Variants in EFHC1 observed in about 807,000 individuals in gnomAD.
The protein encoded by EFHC1 is EF-hand domain-containing protein 1.
A neutral mutation model predicts 69.9 loss-of-function variants in EFHC1; 53 were observed. The ratio of observed to expected loss-of-function variants is 0.76; its 90% confidence interval spans 0.61 to 0.95. The LOEUF (loss-of-function observed/expected upper bound fraction) is 0.95, where lower values mean the gene tolerates loss of function less well. Ranked by LOEUF, EFHC1 falls within the 40% of genes least tolerant of loss-of-function variation. The probability of loss-of-function intolerance (pLI) is 0.00; values close to 1 mark genes in which losing one functional copy is unlikely to be tolerated. For synonymous variants in EFHC1, 256 were observed against 278.4 expected, an observed-to-expected ratio of 0.92 and a Z score of 0.80; for missense variants, 739 against 798.7, an observed-to-expected ratio of 0.93 and a Z score of 0.90.
Position 52,452,385 on chromosome 6 carries a change from T to C in EFHC1, c.574-303T>C, listed in dbSNP as rs543170131. Among the ~76,000 whole-genome samples the C allele has an allele frequency of 3.3e-5, 5 of 152,328 alleles. No homozygotes were observed. The East Asian group carries it at 9.6e-4, about 29-fold the overall frequency. On this transcript the variant is annotated intron_variant, in intron 3 of 10. Transcript: ENST00000371068. ...TCATGATCATGGCTCACTGCAGCCTTGACCTCCTGAGCTCAAGCAGTCTAC... is the reference window on the plus strand; with the variant it reads ...TCATGATCATGGCTCACTGCAGCCTCGACCTCCTGAGCTCAAGCAGTCTAC...
Position 52,494,638 on chromosome 6 carries a change from T to G in EFHC1, c.*2297T>G, listed in dbSNP as rs1255853741. The G allele has an allele frequency of 4.4e-6, 2 of 453,998 alleles. No homozygotes were observed. Among genetic ancestry groups the G allele is most frequent in the Non-Finnish European group, 8.8e-6 (2 of 226,802 alleles). 28.1% of individuals were successfully genotyped at this position (453,998 alleles called of 1,614,324 possible). A position where few individuals can be genotyped will look rare whatever the true frequency, so the allele number is the denominator to read the frequency against. On this transcript the variant is annotated 3_prime_UTR_variant, in exon 11 of 11. Transcript: ENST00000371068. ...GTGCAGGTTTGTTACATGAGTATAT[T>G]GCACCCAGGTAGTGAGCATAGTGCC...
intron 3 of EFHC1, among the ~76,000 whole-genome samples, chr6:52,440,013 A>C (rs1174602583): frequency 6.6e-6 from 1 of 152,202 alleles, no homozygotes; most frequent in Non-Finnish European, 1.5e-5. Context: ...TTGTGTTTTT[A>C]TGGGCAATTT....
At chr6:52,445,511 C>T (rs1764763676) in intron 3 of EFHC1, among the ~76,000 whole-genome samples, 1 of 147,924 alleles carries the variant, frequency 6.8e-6, no homozygotes, top group Admixed American at 6.8e-5. Flanking sequence ...CATGTGATCT[C>T]ATTGGGATTC....
chr6:52,454,413 G>A, intron 5 of EFHC1, 126 bp downstream of exon 5: 1 of 1,181,836 alleles, frequency 8.5e-7, no homozygotes, highest in South Asian at 1.3e-5. Flanking sequence ...TAGATGCTCA[G>A]AAAATGGCTT....
At chr6:52,421,681 A>G (rs577091671) in intron 1 of EFHC1, among the ~76,000 whole-genome samples, 2 of 152,376 alleles carry the variant, frequency 1.3e-5, no homozygotes, top group African/African-American at 4.8e-5. Flanking sequence ...ATTTAGAATG[A>G]AATCGAAAGT....
chr6:52,476,040 T>C (rs1262567676), intron 7 of EFHC1, among the ~76,000 whole-genome samples: 1 of 151,822 alleles, frequency 6.6e-6, no homozygotes, highest in Admixed American at 6.6e-5. Context: ...CTGAGAGAGC[T>C]TCATGTAAGA....
chr6:52,430,321 A>T (rs1764389286), intron 2 of EFHC1: 1 of 152,448 alleles, frequency 6.6e-6, no homozygotes, highest in Admixed American at 6.6e-5. Context: ...ACTTTTCCCC[A>T]TTCAGCATTA....
At chr6:52,451,625 C>T (rs1164695234) in intron 3 of EFHC1, among the ~76,000 whole-genome samples, 1 of 152,140 alleles carries the variant, frequency 6.6e-6, no homozygotes, top group African/African-American at 2.4e-5. Context: ...GGGATGATCT[C>T]CTTGCATAGA....
chr6:52,453,663 A>C, intron 4 of EFHC1: 2 of 1,258,010 alleles, frequency 1.6e-6, no homozygotes, highest in Non-Finnish European at 2.0e-6. Flanking sequence ...TTATTGCTAG[A>C]AGATATGTGT....
Position 52,438,335 on chromosome 6 carries a change from A to G in EFHC1, c.317A>G (p.Asp106Gly). 1 of 1,613,628 alleles carries G rather than the reference A, an allele frequency of 6.2e-7. No homozygotes were observed. The highest frequency in any genetic ancestry group is 8.5e-7 in the Non-Finnish European group (1 of 1,179,860). The change falls in exon 3 of 11, where the codon GAT becomes GGT. Residue 106 changes from aspartate to glycine, a missense_variant. By Grantham distance (94) the Asp-to-Gly change is moderately conservative. Coordinates refer to ENST00000371068, the MANE Select transcript of EFHC1 (RefSeq NM_018100.4). ...AAATTTGATGCCTATTTCCAAGAAGATGTTCCTATGTCAACTGAGGAACAG... is the reference window on the plus strand; with the variant it reads ...AAATTTGATGCCTATTTCCAAGAAGGTGTTCCTATGTCAACTGAGGAACAG... ...VLKFDAYFQE[D>G]VPMSTEEQYR...
rs1464078309 is a variant in EFHC1, at chr6:52,471,568, A to G, written c.1278+2095A>G. ...TATAGGGATTTCAGATACTGGCACTATGAAACTTAAACTTAAGCCGGGAGC... is the reference window on the plus strand; with the variant it reads ...TATAGGGATTTCAGATACTGGCACTGTGAAACTTAAACTTAAGCCGGGAGC... On this transcript the variant is annotated intron_variant, in intron 7 of 10. Transcript: ENST00000371068. Among the ~76,000 whole-genome samples the G allele has an allele frequency of 2.0e-5, 3 of 152,302 alleles. No homozygotes were observed. The East Asian group carries it at 5.8e-4, about 29-fold the overall frequency.
intron 3 of EFHC1, among the ~76,000 whole-genome samples, chr6:52,446,465 A>C (rs985347921): frequency 1.3e-5 from 2 of 152,154 alleles, no homozygotes. Flanking sequence ...TCTGCACGTC[A>C]GATGGGTCTC....
At chr6:52,436,362 A>G (rs1328650880) in intron 2 of EFHC1, among the ~76,000 whole-genome samples, 2 of 150,378 alleles carry the variant, frequency 1.3e-5, no homozygotes, top group Non-Finnish European at 3.0e-5. Flanking sequence ...GTTTTTCCAC[A>G]GTAGTTACGC....
intron 1 of EFHC1, among the ~76,000 whole-genome samples, chr6:52,421,910 G>A (rs918706143): frequency 6.6e-6 from 1 of 152,208 alleles, no homozygotes; most frequent in African/African-American, 2.4e-5. Context: ...GGATGGAAGT[G>A]CAAAGCTCTA....
chr6:52,492,975 T>A lies in EFHC1; in HGVS notation c.*634T>A, dbSNP rs1765943678. On this transcript the variant is annotated 3_prime_UTR_variant, in exon 11 of 11. Coordinates refer to ENST00000371068, the MANE Select transcript of EFHC1 (RefSeq NM_018100.4). Reference sequence around the variant, plus strand: ...AGGTATTTTTCGATGAGATAAACATTTGAATCAGAAGACTAAGTAAAACAG... The same window carrying A: ...AGGTATTTTTCGATGAGATAAACATATGAATCAGAAGACTAAGTAAAACAG... 1 of 453,976 alleles carries A rather than the reference T, an allele frequency of 2.2e-6. No individual in the cohort carries two copies. The highest frequency in any genetic ancestry group is 2.0e-5 in the African/African-American group (1 of 49,988). 28.1% of individuals were successfully genotyped at this position (453,976 alleles called of 1,614,324 possible).
At chr6:52,466,310 G>A (rs541135670) in intron 6 of EFHC1, among the ~76,000 whole-genome samples, 7 of 152,218 alleles carry the variant, frequency 4.6e-5, no homozygotes, top group African/African-American at 1.7e-4. Flanking sequence ...GCCTCCAGTC[G>A]TACTGAGTTC....
At chr6:52,465,718 G>A (rs1007447254) in intron 6 of EFHC1, among the ~76,000 whole-genome samples, 4 of 151,204 alleles carry the variant, frequency 2.6e-5, no homozygotes, top group African/African-American at 4.9e-5. Context: ...GAGGCATGAG[G>A]ATCACTTTAA....
rs1161841723 is a variant in EFHC1 at position 52,494,397 on chromosome 6, T to A, written c.*2056T>A. 1 of 454,134 alleles carries A rather than the reference T, an allele frequency of 2.2e-6. No individual in the cohort carries two copies. Among genetic ancestry groups the A allele is most frequent in the Non-Finnish European group, 4.4e-6 (1 of 226,796 alleles). The allele number at this position is 454,134 out of a possible 1,614,324, so 28.1% of individuals were successfully genotyped here. A position where few individuals can be genotyped will look rare whatever the true frequency, so the allele number is the denominator to read the frequency against. ...TCTTCTTACTCCCTTCTTTCTGTCT[T>A]CTGCTCCCTTTGTTCCTATTCAGCC... is the stretch of plus-strand genomic sequence containing the variant. On this transcript the variant is annotated 3_prime_UTR_variant, in exon 11 of 11. Coordinates refer to ENST00000371068, the MANE Select transcript of EFHC1 (RefSeq NM_018100.4).
In EFHC1 at chr6:52,493,380, ATATATT is replaced by A. The variant is rs148993950; in HGVS notation, c.*1041_*1046del. 16 of 221,062 alleles carry A rather than the reference ATATATT, an allele frequency of 7.2e-5. No individual in the cohort carries two copies. The highest frequency in any genetic ancestry group is 2.0e-4 in the African/African-American group (8 of 39,328). The allele number at this position is 221,062 out of a possible 1,614,324, so 13.7% of individuals were successfully genotyped here. A position where few individuals can be genotyped will look rare whatever the true frequency, so the allele number is the denominator to read the frequency against. On this transcript the variant is annotated 3_prime_UTR_variant, in exon 11 of 11. Transcript: ENST00000371068. ...TCTCTCTCTACATATATATATATAT[ATATATT>A]TTATATGTACACATTCATACACACA...
Sources: allele counts gnomAD v4.1 joint callset (sites outside exome capture counted in the v4.1 genomes callset), GRCh38; gene constraint gnomAD v4.1.1; transcripts MANE v1.5; gene names NCBI Gene and HGNC (gene_info 2026-07-23, HGNC 2026-07-21).